The following SOS2 variants were observed in gnomAD, a reference collection of about 807,000 sequenced individuals.
The protein encoded by SOS2 is SOS Ras/Rho guanine nucleotide exchange factor 2.
A neutral mutation model predicts 148.2 loss-of-function variants in SOS2; 65 were observed. The ratio of observed to expected loss-of-function variants is 0.44; its 90% CI spans 0.36 to 0.54. The LOEUF is 0.54. Among genes scored for constraint, SOS2 ranks in the 20% least tolerant of loss-of-function variants. The probability of loss-of-function intolerance (pLI) is 0.00; values close to 1 mark genes in which losing one functional copy is unlikely to be tolerated. For synonymous variants in SOS2, 539 were observed against 537.1 expected, an observed-to-expected ratio of 1.00 and a Z score of -0.05; for missense variants, 1,341 against 1,590.2, an observed-to-expected ratio of 0.84 and a Z score of 2.67.
chr14:50,156,420 A>T (rs1428006275), intron 12 of SOS2: 8 of 152,196 alleles, frequency 5.3e-5, no homozygotes, highest in Non-Finnish European at 8.8e-5. Context: ...AGAATGAGAT[A>T]AAAAAGATAA....
intron 18 of SOS2, among the ~76,000 whole-genome samples, chr14:50,137,888 G>A (rs1188359966): frequency 1.3e-5 from 2 of 152,184 alleles, no homozygotes; most frequent in African/African-American, 4.8e-5. Flanking sequence ...CACCCAGGCT[G>A]GAAGGCAGTG....
rs140670127 is a variant in SOS2, at chr14:50,129,269, AT to A, written c.3379+691del. ...CGGGAACCTGATAAACATTTACTAT[AT>A]TATTGCCATGGGAAAATGATTTGAA... On this transcript the variant is annotated intron_variant, in intron 21 of 22. Coordinates refer to ENST00000216373, the MANE Select transcript of SOS2 (RefSeq NM_006939.4). Among the ~76,000 whole-genome samples, 1,444 of 152,334 alleles carry A rather than the reference AT, an allele frequency of 9.5e-3. 21 individuals carry two copies. Among genetic ancestry groups the A allele is most frequent in the African/African-American group, 0.033 (1,376 of 41,568 alleles).
chr14:50,158,170 G>A (rs565558254), intron 11 of SOS2, among the ~76,000 whole-genome samples: 1 of 151,720 alleles, frequency 6.6e-6, no homozygotes, highest in African/African-American at 2.4e-5. Flanking sequence ...TATGTGTTTT[G>A]AAAGTTTTCA....
chr14:50,188,715 T>C lies in SOS2; in HGVS notation c.511-15A>G. On this transcript the variant is annotated splice_polypyrimidine_tract_variant and intron_variant, in intron 4 of 22. Coordinates refer to ENST00000216373, the MANE Select transcript of SOS2 (RefSeq NM_006939.4). ...TCCATCAAAACCTGAGAAACAGAAA[T>C]CAATAATGTATAAATTTATTTTCTT... 1 of 1,522,622 alleles carries C rather than the reference T, an allele frequency of 6.6e-7. No homozygotes were observed. The highest frequency in any genetic ancestry group is 1.2e-5 in the South Asian group (1 of 83,740). 94.3% of individuals were successfully genotyped at this position (1,522,622 alleles called of 1,614,324 possible).
chr14:50,154,780 G>C (rs1884762841), intron 12 of SOS2, among the ~76,000 whole-genome samples: 6 of 152,146 alleles, frequency 3.9e-5, no homozygotes, highest in Admixed American at 3.9e-4. Context: ...CACTGCCTTT[G>C]GGCAGTGGGA....
chr14:50,145,716 C>T, intron 14 of SOS2, 120 bp from the exon 15 acceptor site: 1 of 611,124 alleles, frequency 1.6e-6, no homozygotes, highest in African/African-American at 1.9e-5. Context: ...CATATATGAA[C>T]AAGTAATTCA....
intron 19 of SOS2, among the ~76,000 whole-genome samples, chr14:50,131,482 T>C (rs1327047883): frequency 6.6e-6 from 1 of 152,210 alleles, no homozygotes; most frequent in African/African-American, 2.4e-5. Flanking sequence ...TGCATGACTT[T>C]CATTTTTTTC....
At position 50,189,837 on chromosome 14, in the gene SOS2, T is replaced by C. The variant is rs955516404; in HGVS notation, c.511-1137A>G. Among the ~76,000 whole-genome samples the C allele has an allele frequency of 1.6e-5, 2 of 126,782 alleles. 1 individual carries two copies. The highest frequency in any genetic ancestry group is 3.2e-5 in the Non-Finnish European group (2 of 62,532). The allele number at this position is 126,782 out of a possible 152,430, so 83.2% of individuals were successfully genotyped here. A position where few individuals can be genotyped will look rare whatever the true frequency, so the allele number is the denominator to read the frequency against. ...TCAAAGTGAAAAAGAAAGTTGACTA[T>C]ACTTTATTTTTTATTTTTTTTTTTT... On this transcript the variant is annotated intron_variant, in intron 4 of 22. Coordinates refer to ENST00000216373, the MANE Select transcript of SOS2 (RefSeq NM_006939.4).
chr14:50,118,548 T>A lies in SOS2; in HGVS notation c.3795A>T (p.Thr1265=). 6.2e-7 allele frequency: 1 copy of A among 1,614,006 alleles called. No homozygotes were observed. Among genetic ancestry groups the A allele is most frequent in the South Asian group, 1.1e-5 (1 of 91,072 alleles). Residue 1265 remains threonine, a synonymous_variant, in exon 23 of 23, where the codon ACA becomes ACT. Transcript: ENST00000216373. Reference sequence around the variant, plus strand: ...ATCGACGCGGTACCCTTGGAGAGGGTGTGCTAGGAGGAGTGCTTGGCGAAT... The same window carrying A: ...ATCGACGCGGTACCCTTGGAGAGGGAGTGCTAGGAGGAGTGCTTGGCGAAT... ...CPNSPSTPPS[T]PSPRVPRRCY...
Position 50,159,432 on chromosome 14 carries a change from T to C in SOS2, c.1851A>G (p.Ala617=). Residue 617 remains alanine, a splice_region_variant and synonymous_variant, in exon 10 of 23, where the codon GCA becomes GCG. Transcript: ENST00000216373. ...LIERLTYHMY[A]DPNFVRTFLT... ...GCAGTTGTAATGAGTTTCACATACC[T>C]GCATACATATGATATGTTAACCTTT... 6.3e-7 allele frequency: 1 copy of C among 1,595,314 alleles called. No homozygotes were observed. The highest frequency in any genetic ancestry group is 8.6e-7 in the Non-Finnish European group (1 of 1,167,122).
At chr14:50,193,193 T>C (rs1346184588) in intron 4 of SOS2, among the ~76,000 whole-genome samples, 1 of 151,950 alleles carries the variant, frequency 6.6e-6, no homozygotes, top group Admixed American at 6.6e-5. Flanking sequence ...ATCTCACCTT[T>C]CTTTCTTTGT....
chr14:50,176,482 A>G (rs959218374), intron 7 of SOS2, among the ~76,000 whole-genome samples: 2 of 152,242 alleles, frequency 1.3e-5, no homozygotes, highest in Admixed American at 6.5e-5. Context: ...AAAATGCCTG[A>G]TAAAGTGCAT....
At chr14:50,220,405 C>CGAAAAAAAAAAAAAAAAA (rs779813155) in intron 1 of SOS2, among the ~76,000 whole-genome samples, 1 of 30,446 alleles carries the variant, frequency 3.3e-5, no homozygotes, top group African/African-American at 1.4e-4. Flanking sequence ...GACTCCATCT[C>CGAAAAAAAAAAAAAAAAA]AAAAAAAAAA....
At chr14:50,128,398 T>C (rs1316850248) in intron 21 of SOS2, among the ~76,000 whole-genome samples, 4 of 137,450 alleles carry the variant, frequency 2.9e-5, no homozygotes, top group South Asian at 4.7e-4. Flanking sequence ...TGAAAGGGCA[T>C]GGAAAGGTGC....
At chr14:50,149,464 G>A (rs1035220464) in intron 14 of SOS2, among the ~76,000 whole-genome samples, 9 of 152,114 alleles carry the variant, frequency 5.9e-5, no homozygotes, top group African/African-American at 1.9e-4. Flanking sequence ...ACTCATGGAA[G>A]TAGAGAGTAG....
chr14:50,197,690 T>TC (rs1491479034), intron 4 of SOS2, among the ~76,000 whole-genome samples: 1 of 9,688 alleles, frequency 1.0e-4, no homozygotes, highest in African/African-American at 2.6e-4. Context: ...CTTTACCACC[T>TC]TTTTTTTTTT....
In SOS2 at chr14:50,173,572, C is replaced by T. The variant is rs534924486; in HGVS notation, c.1068+882G>A. On this transcript the variant is annotated intron_variant, in intron 8 of 22. Transcript: ENST00000216373. ...AAGTAGCTGGGACTACAGGCGCCTG[C>T]CATCATGCCCGGCTAATTTTTTGTA... Among the ~76,000 whole-genome samples, 54 of 152,232 alleles carry T rather than the reference C, an allele frequency of 3.5e-4. 1 individual carries two copies. In the East Asian group the frequency reaches 0.01, roughly 29 times the overall value.
Position 50,180,554 on chromosome 14 carries a change from C to G in SOS2, c.969+18G>C. The G allele has an allele frequency of 1.4e-6, 1 of 739,430 alleles. No homozygotes were observed. Among genetic ancestry groups the G allele is most frequent in the South Asian group, 2.1e-5 (1 of 46,804 alleles). 45.8% of individuals were successfully genotyped at this position (739,430 alleles called of 1,614,324 possible). A position where few individuals can be genotyped will look rare whatever the true frequency, so the allele number is the denominator to read the frequency against. On this transcript the variant is annotated intron_variant, in intron 7 of 22. Coordinates refer to ENST00000216373, the MANE Select transcript of SOS2 (RefSeq NM_006939.4). ...TTATTAAAAAAAAAAAAAAAAAAAACCTTCAATTTAAGTTTACCTGAAAGT... is the reference window on the plus strand; with the variant it reads ...TTATTAAAAAAAAAAAAAAAAAAAAGCTTCAATTTAAGTTTACCTGAAAGT...
intron 21 of SOS2, among the ~76,000 whole-genome samples, chr14:50,123,467 C>T (rs902101660): frequency 6.6e-6 from 1 of 150,510 alleles, no homozygotes; most frequent in Non-Finnish European, 1.5e-5. Context: ...CTGCAACCTC[C>T]GCCTCCCGGA....
Sources: allele counts gnomAD v4.1 joint callset (sites outside exome capture counted in the v4.1 genomes callset), GRCh38; gene constraint gnomAD v4.1.1; transcripts MANE v1.5; gene names NCBI Gene and HGNC (gene_info 2026-07-23, HGNC 2026-07-21).